The following PTPRK variants were observed in gnomAD, a reference collection of about 807,000 sequenced individuals.
PTPRK encodes protein tyrosine phosphatase receptor type K.
In PTPRK, 75 loss-of-function variants were observed where a neutral mutation model predicts 178.0. The ratio of observed to expected loss-of-function variants is 0.42; its 90% confidence interval spans 0.35 to 0.51. The LOEUF (loss-of-function observed/expected upper bound fraction) is 0.51. PTPRK is among the 20% of genes least tolerant of loss of function. The probability of loss-of-function intolerance (pLI) is 0.02; values close to 1 mark genes in which losing one functional copy is unlikely to be tolerated. For missense variants in PTPRK, 1,441 were observed against 1,797.8 expected (o/e 0.80, Z 3.59); for synonymous variants, 637 against 620.6 (o/e 1.03, Z -0.39).
chr6:128,133,290 A>C (rs1390541862), intron 7 of PTPRK, among the ~76,000 whole-genome samples: 1 of 152,206 alleles, frequency 6.6e-6, no homozygotes, highest in Admixed American at 6.5e-5. Flanking sequence ...TCAGGTTTAA[A>C]ATTTGTATTA....
At chr6:128,383,311 G>GT (rs893149867) in intron 2 of PTPRK, among the ~76,000 whole-genome samples, 33 of 152,074 alleles carry the variant, frequency 2.2e-4, no homozygotes, top group Non-Finnish European at 4.4e-4. Context: ...AAGATTTCAT[G>GT]TAACATGCAG....
chr6:128,127,917 G>A (rs1355444158), intron 7 of PTPRK, among the ~76,000 whole-genome samples: 1 of 152,090 alleles, frequency 6.6e-6, no homozygotes, highest in Non-Finnish European at 1.5e-5. Context: ...CTAAGAGACT[G>A]TCCTGTGATT....
At chr6:128,035,986 C>T (rs866466511) in intron 13 of PTPRK, among the ~76,000 whole-genome samples, 9 of 152,270 alleles carry the variant, frequency 5.9e-5, no homozygotes, top group Middle Eastern at 3.4e-3. Flanking sequence ...GTTCCTTTAG[C>T]TCTTTTTAAT....
chr6:128,347,265 G>A (rs1183896896), intron 2 of PTPRK, among the ~76,000 whole-genome samples: 2 of 152,108 alleles, frequency 1.3e-5, no homozygotes, highest in African/African-American at 4.8e-5. Context: ...AGTGAGAAGA[G>A]GGGCCTTGTA....
At chr6:128,269,733 G>A (rs1474379629) in intron 3 of PTPRK, among the ~76,000 whole-genome samples, 1 of 151,990 alleles carries the variant, frequency 6.6e-6, no homozygotes, top group Non-Finnish European at 1.5e-5. Flanking sequence ...ACACATTACA[G>A]AGACAATGTA....
Position 128,503,083 on chromosome 6 carries a change from C to T in PTPRK, c.100+17176G>A, listed in dbSNP as rs146371471. 5.6e-3 allele frequency among the ~76,000 whole-genome samples: 848 copies of T among 152,190 alleles called. 6 individuals are homozygous for T. Among genetic ancestry groups the T allele is most frequent in the African/African-American group, 0.019 (804 of 41,522 alleles). Reference sequence around the variant, plus strand: ...CTCTACTAAAAATACAAAAATTAGCCGGGCGTATGGCATATGCCTGTAATC... The same window carrying T: ...CTCTACTAAAAATACAAAAATTAGCTGGGCGTATGGCATATGCCTGTAATC... On this transcript the variant is annotated intron_variant, in intron 1 of 29. Transcript: ENST00000368226.
At chr6:128,288,292 T>A (rs1021196866) in intron 3 of PTPRK, among the ~76,000 whole-genome samples, 1 of 152,192 alleles carries the variant, frequency 6.6e-6, no homozygotes, top group African/African-American at 2.4e-5. Flanking sequence ...GCACATTAAA[T>A]ACTAAATTTT....
intron 6 of PTPRK, among the ~76,000 whole-genome samples, chr6:128,190,591 C>T (rs970963789): frequency 1.3e-5 from 2 of 149,720 alleles, no homozygotes; most frequent in African/African-American, 5.0e-5. Flanking sequence ...CTTGGCCTCC[C>T]AGGGTCAAGC....
At chr6:128,071,696 A>G (rs6569523) in intron 11 of PTPRK, among the ~76,000 whole-genome samples, 130,852 of 151,940 alleles carry the variant, frequency 0.86, 56,529 homozygotes, top group East Asian at 1. Context: ...TTGAAGAGGC[A>G]TTTTTATAAC....
At chr6:128,073,949 T>C (rs1389399945) in intron 11 of PTPRK, among the ~76,000 whole-genome samples, 2 of 152,010 alleles carry the variant, frequency 1.3e-5, no homozygotes, top group Non-Finnish European at 2.9e-5. Context: ...CTATTTGATA[T>C]CTTTAAATTT....
intron 7 of PTPRK, among the ~76,000 whole-genome samples, chr6:128,142,115 C>T (rs1319037633): frequency 1.3e-5 from 2 of 150,642 alleles, no homozygotes; most frequent in African/African-American, 2.5e-5. Flanking sequence ...CAAGTATATG[C>T]ATATGTATGT....
intron 7 of PTPRK, among the ~76,000 whole-genome samples, chr6:128,146,546 C>T (rs374414388): frequency 6.6e-5 from 10 of 151,516 alleles, no homozygotes; most frequent in African/African-American, 1.7e-4. Context: ...TGGGTTCAAG[C>T]GATTCTCCTG....
intron 8 of PTPRK, 33 bp downstream of exon 8, chr6:128,089,657 T>TC (rs1243104011): frequency 5.8e-6 from 9 of 1,540,478 alleles, no homozygotes; most frequent in Non-Finnish European, 7.2e-6. Context: ...GTTAGAGAAT[T>TC]CCCCCCTTTT....
At chr6:128,504,774 T>A (rs1486814488) in intron 1 of PTPRK, among the ~76,000 whole-genome samples, 1 of 152,188 alleles carries the variant, frequency 6.6e-6, no homozygotes, top group Non-Finnish European at 1.5e-5. Flanking sequence ...TGGTTAAAAT[T>A]TATGGTTTCT....
At chr6:128,308,320 T>C (rs946294011) in intron 3 of PTPRK, among the ~76,000 whole-genome samples, 64 of 152,114 alleles carry the variant, frequency 4.2e-4, no homozygotes, top group African/African-American at 1.4e-3. Context: ...GAGAAACTTT[T>C]AGGAAGTACT....
chr6:128,398,052 C>T (rs1242654364), intron 1 of PTPRK, among the ~76,000 whole-genome samples: 2 of 152,046 alleles, frequency 1.3e-5, no homozygotes, highest in Non-Finnish European at 2.9e-5. Flanking sequence ...AAGAATTGGA[C>T]AAAATCCACA....
intron 13 of PTPRK, among the ~76,000 whole-genome samples, chr6:128,031,567 T>C (rs1775337531): frequency 6.6e-6 from 1 of 152,208 alleles, no homozygotes; most frequent in East Asian, 1.9e-4. Context: ...ATGGTAATTA[T>C]CTTTTGTTGT....
chr6:128,331,253 G>A (rs771872349), intron 2 of PTPRK, among the ~76,000 whole-genome samples: 3 of 152,194 alleles, frequency 2.0e-5, no homozygotes, highest in Non-Finnish European at 4.4e-5. Context: ...TGTGTTTCCT[G>A]CCCTGCATTC....
intron 6 of PTPRK, among the ~76,000 whole-genome samples, chr6:128,194,441 A>T (rs1425033696): frequency 4.6e-5 from 7 of 152,150 alleles, no homozygotes. Flanking sequence ...ACTACAGTCA[A>T]CATGGTGGCA....
Sources: gnomAD v4.1 joint callset for allele counts (sites outside exome capture counted in the v4.1 genomes callset) on GRCh38, gnomAD v4.1.1 for gene constraint, MANE v1.5 for transcripts, NCBI Gene and HGNC (gene_info 2026-07-23, HGNC 2026-07-21) for gene names.